The following FRMD7 variants were observed in gnomAD, a reference collection of about 807,000 sequenced individuals.
FRMD7 encodes FERM domain-containing protein 7.
FRMD7 carries 14 observed loss-of-function variants against 44.1 expected under a neutral mutation model. The ratio of observed to expected loss-of-function variants is 0.32; its 90% confidence interval spans 0.21 to 0.50. The LOEUF (loss-of-function observed/expected upper bound fraction) is 0.50. FRMD7 is among the 20% of genes least tolerant of loss of function. The probability of loss-of-function intolerance (pLI) is 0.99; values close to 1 mark genes in which losing one functional copy is unlikely to be tolerated. For missense variants in FRMD7, 501 were observed against 522.3 expected (o/e 0.96, Z 0.40); for synonymous variants, 212 against 187.4 (o/e 1.13, Z -1.07).
intron 1 of FRMD7, among the ~76,000 whole-genome samples, chrX:132,123,531 A>C (rs1929085785): frequency 8.9e-6 from 1 of 112,411 alleles, no homozygotes; most frequent in Non-Finnish European, 1.9e-5. Flanking sequence ...ACTAAACTAC[A>C]AAAGATCCTT....
At position 132,078,912 on chromosome X, in the gene FRMD7, C is replaced by T; in HGVS notation, c.1105G>A (p.Val369Met). ...GGGYYQNVNGVHASEPVLESR... is the reference protein window; with the variant it reads ...GGGYYQNVNGMHASEPVLESR... The stretch of plus-strand genomic sequence containing the variant: ...TCCAGCACTGGCTCAGATGCGTGCA[C>T]TCCATTCACATTTTGGTAGTAGCCA... Residue 369 changes from valine (V) to methionine (M), a missense_variant, in exon 12 of 12, where the codon GTG becomes ATG. This residue lies in a region of FRMD7 where 453 missense variants were observed against 452.7 expected (regional missense o/e 1.00). Transcript: ENST00000298542. 6.6e-6 allele frequency: 8 copies of T among 1,207,568 alleles called. No individual in the cohort carries two copies. Among genetic ancestry groups the T allele is most frequent in the Non-Finnish European group, 9.0e-6 (8 of 891,802 alleles).
At chrX:132,102,545 A>C (rs1467476337) in intron 1 of FRMD7, among the ~76,000 whole-genome samples, 2 of 111,988 alleles carry the variant, frequency 1.8e-5, no homozygotes, top group Admixed American at 9.4e-5. Context: ...GCCTAGGGCA[A>C]GTGCTGACAC....
Position 132,085,619 on chromosome X carries a change from G to A in FRMD7, c.607C>T (p.His203Tyr), listed in dbSNP as rs2124223133. 8.3e-7 allele frequency: 1 copy of A among 1,210,936 alleles called. No homozygotes were observed. The highest frequency in any genetic ancestry group is 3.0e-5 in the East Asian group (1 of 33,840). ...ACTCCCATGTGAGCAACAGCCAGGT[G>A]AATCTGCATCCCTTCACCATCACTG... ...PASDGEGMQI[H>Y]LAVAHMGVLV... Residue 203 changes from histidine (H) to tyrosine (Y), a missense_variant, in exon 7 of 12, where the codon CAC (histidine) becomes TAC (tyrosine). His to Tyr is a moderately conservative substitution (Grantham distance 83). This residue lies in a region of FRMD7 where 453 missense variants were observed against 452.7 expected (regional missense o/e 1.00). Coordinates refer to ENST00000298542, the MANE Select transcript of FRMD7 (RefSeq NM_194277.3).
rs755259609 is a variant in FRMD7 at position 132,102,103 on chromosome X, C to T, written c.58-1387G>A. ...TCAGAGAGTCCATCCACCACCAATT[C>T]CCCCCTCCCTCAAGGCAGCACCACA... On this transcript the variant is annotated intron_variant, in intron 1 of 11. Coordinates refer to ENST00000298542, the MANE Select transcript of FRMD7 (RefSeq NM_194277.3). Among the ~76,000 whole-genome samples, 363 of 110,587 alleles carry T rather than the reference C, an allele frequency of 3.3e-3. 1 individual carries two copies. Among genetic ancestry groups the T allele is most frequent in the African/African-American group, 0.012 (351 of 30,365 alleles).
chrX:132,120,356 G>A (rs1188575063), intron 1 of FRMD7, among the ~76,000 whole-genome samples: 1 of 112,736 alleles, frequency 8.9e-6, no homozygotes, highest in Non-Finnish European at 1.9e-5. Flanking sequence ...CTGCAGGGCA[G>A]TGAACCAACT....
At chrX:132,099,565 T>A (rs1316027962) in intron 2 of FRMD7, 55 bp from the exon 3 acceptor site, 1 of 870,922 alleles carries the variant, frequency 1.1e-6, no homozygotes, top group African/African-American at 2.0e-5. Flanking sequence ...CAGAGCTTTT[T>A]TTTTTTCGGT....
At chrX:132,099,699 G>A (rs939966924) in intron 2 of FRMD7, among the ~76,000 whole-genome samples, 189 bp from the exon 3 acceptor site, 7 of 111,870 alleles carry the variant, frequency 6.3e-5, no homozygotes, top group African/African-American at 9.8e-5. Context: ...ATATTTTCCC[G>A]ATGACAGTGA....
intron 8 of FRMD7, among the ~76,000 whole-genome samples, chrX:132,082,770 C>G (rs779192398): frequency 3.6e-5 from 4 of 112,039 alleles, no homozygotes; most frequent in Non-Finnish European, 7.5e-5. Context: ...ACTCCCCTCA[C>G]CTTAAATACC....
At chrX:132,096,400 C>T (rs1227352187) in intron 4 of FRMD7, among the ~76,000 whole-genome samples, 1 of 110,463 alleles carries the variant, frequency 9.1e-6, no homozygotes, top group African/African-American at 3.3e-5. Flanking sequence ...TAGATTATCT[C>T]TCAGACCTCT....
At chrX:132,120,682 C>T (rs113761885) in intron 1 of FRMD7, among the ~76,000 whole-genome samples, 10,561 of 112,223 alleles carry the variant, frequency 0.094, 522 homozygotes, top group Non-Finnish European at 0.15. Context: ...AGGAAAGCAG[C>T]CTGGAAGCCA....
intron 1 of FRMD7, among the ~76,000 whole-genome samples, chrX:132,112,862 T>C (rs1333860373): frequency 9.0e-6 from 1 of 111,690 alleles, no homozygotes; most frequent in East Asian, 2.8e-4. Context: ...GAAGTGATTA[T>C]ATATAATTGC....
intron 1 of FRMD7, among the ~76,000 whole-genome samples, chrX:132,108,670 G>A (rs1928705062): frequency 1.8e-5 from 2 of 111,284 alleles, no homozygotes; most frequent in Admixed American, 9.6e-5. Context: ...TTATGGTTTG[G>A]TTCTGTGTCC....
intron 5 of FRMD7, among the ~76,000 whole-genome samples, chrX:132,088,113 A>G (rs777050037): frequency 5.3e-5 from 6 of 112,584 alleles, no homozygotes; most frequent in Non-Finnish European, 1.1e-4. Flanking sequence ...AGGTAAAGAT[A>G]TCAAGTGCCT....
intron 3 of FRMD7, 132 bp from the exon 4 acceptor site, chrX:132,097,476 C>A: frequency 1.9e-6 from 1 of 524,166 alleles, no homozygotes; most frequent in South Asian, 2.7e-5. Context: ...ATCACTCCCT[C>A]CTACAGACTT....
At chrX:132,079,431 T>C (rs776872739) in intron 11 of FRMD7, among the ~76,000 whole-genome samples, 6 of 112,017 alleles carry the variant, frequency 5.4e-5, no homozygotes, top group Non-Finnish European at 1.1e-4. Context: ...TTCATCATTA[T>C]GCCTCTGATG....
intron 1 of FRMD7, among the ~76,000 whole-genome samples, chrX:132,114,906 T>C (rs763728394): frequency 8.9e-6 from 1 of 112,643 alleles, no homozygotes; most frequent in Admixed American, 9.4e-5. Context: ...CTAACCCTGA[T>C]GTTCACCTAG....
chrX:132,104,251 G>A (rs1029427544), intron 1 of FRMD7, among the ~76,000 whole-genome samples: 3 of 111,678 alleles, frequency 2.7e-5, no homozygotes, highest in African/African-American at 9.8e-5. Context: ...CAATATTCCT[G>A]GAGAGGAGAT....
chrX:132,078,031 G>A lies in FRMD7; in HGVS notation c.1986C>T (p.Tyr662=), dbSNP rs745887910. The A allele has an allele frequency of 8.3e-7, 1 of 1,210,419 alleles. No homozygotes were observed. The highest frequency in any genetic ancestry group is 1.1e-6 in the Non-Finnish European group (1 of 894,407). Residue 662 remains tyrosine, a synonymous_variant, in exon 12 of 12, where the codon TAC becomes TAT. Transcript: ENST00000298542. ...TTATTTCTTTGCCATACAAAGCATAGTAGTCTGGTTTAAGAATCTCTGATT... is the reference window on the plus strand; with the variant it reads ...TTATTTCTTTGCCATACAAAGCATAATAGTCTGGTTTAAGAATCTCTGATT... ...DSESEILKPD[Y]YALYGKEIRS...
chrX:132,112,572 T>G (rs906222085), intron 1 of FRMD7, among the ~76,000 whole-genome samples: 9 of 111,806 alleles, frequency 8.0e-5, no homozygotes, highest in Non-Finnish European at 1.9e-5. Flanking sequence ...GTTTTTATTT[T>G]ATTTCTGAAA....
Sources: allele counts gnomAD v4.1 joint callset (sites outside exome capture counted in the v4.1 genomes callset), GRCh38; gene constraint gnomAD v4.1.1; regional missense constraint gnomAD v4.1.1; transcripts MANE v1.5; gene names NCBI Gene and HGNC (gene_info 2026-07-23, HGNC 2026-07-21).